GTF3C5: variants seen among roughly 807,000 people sequenced by gnomAD.
GTF3C5 encodes the protein general transcription factor 3C polypeptide 5.
GTF3C5 carries 47 observed loss-of-function variants against 61.0 expected under a neutral mutation model. That is an observed-to-expected ratio of 0.77 (90% CI 0.61 to 0.98). GTF3C5 has a LOEUF of 0.98. Ranked by LOEUF, GTF3C5 falls within the 50% of genes least tolerant of loss-of-function variation. The pLI, the probability that GTF3C5 is intolerant of heterozygous loss-of-function variation, is 0.00. For synonymous variants in GTF3C5, 295 were observed against 275.4 expected (o/e 1.07, Z -0.71); for missense variants, 659 against 703.3 (o/e 0.94, Z 0.71).
At position 133,050,657 on chromosome 9, in the gene GTF3C5, T is replaced by C. The variant is rs540028366; in HGVS notation, c.573-126T>C. 314 of 664,246 alleles carry C rather than the reference T, an allele frequency of 4.7e-4. 3 individuals are homozygous for C. Among genetic ancestry groups the C allele is most frequent in the South Asian group, 2.7e-3 (140 of 52,114 alleles). 41.1% of individuals were successfully genotyped at this position (664,246 alleles called of 1,614,324 possible). A position where few individuals can be genotyped will look rare whatever the true frequency, so the allele number is the denominator to read the frequency against. ...CTCTGGGGTCCTTTCCCAGCACAGA[T>C]GTCCAGAGAGAGGCACACGGTGGCT... On this transcript the variant is annotated intron_variant, in intron 3 of 10. Transcript: ENST00000372097.
intron 3 of GTF3C5, among the ~76,000 whole-genome samples, chr9:133,048,153 T>A (rs951961025): frequency 6.6e-6 from 1 of 151,332 alleles, no homozygotes; most frequent in Non-Finnish European, 1.5e-5. Flanking sequence ...GTTTTTTGGT[T>A]TGTTTTTTCT....
At position 133,051,456 on chromosome 9, in the gene GTF3C5, G is replaced by A. The variant is rs930714156; in HGVS notation, c.768+478G>A. On this transcript the variant is annotated intron_variant, in intron 4 of 10. Coordinates refer to ENST00000372097, the MANE Select transcript of GTF3C5 (RefSeq NM_012087.4). ...AGGCCACTGCCACCTGGAGCCCGGC[G>A]CTTCCCTTACGCAGTGTGCCTGTGG... Among the ~76,000 whole-genome samples the A allele has an allele frequency of 5.0e-4, 76 of 152,374 alleles. 1 individual carries two copies. In the Middle Eastern group the frequency reaches 0.01, roughly 20 times the overall value.
In GTF3C5 at chr9:133,058,263, A is replaced by C; in HGVS notation, c.*283A>C. On this transcript the variant is annotated 3_prime_UTR_variant, in exon 11 of 11. Transcript: ENST00000372097. ...CATCCAGCCAGTGAGTGGGCACCCA[A>C]TGCCTCTCAGGATGAGACCAGTAAA... 6 of 758,340 alleles carry C rather than the reference A, an allele frequency of 7.9e-6. No individual in the cohort carries two copies. Among genetic ancestry groups the C allele is most frequent in the East Asian group, 6.0e-5 (1 of 16,644 alleles). The allele number at this position is 758,340 out of a possible 1,614,324, so 47.0% of individuals were successfully genotyped here.
intron 1 of GTF3C5, among the ~76,000 whole-genome samples, chr9:133,040,928 T>G (rs1008888349): frequency 6.6e-6 from 1 of 152,224 alleles, no homozygotes; most frequent in Non-Finnish European, 1.5e-5. Context: ...TTTGTAGGAA[T>G]TACTCTTTAT....
intron 1 of GTF3C5, among the ~76,000 whole-genome samples, chr9:133,038,097 G>A (rs1410705975): frequency 1.3e-5 from 2 of 152,090 alleles, no homozygotes; most frequent in East Asian, 1.9e-4. Context: ...GAATAGTTTC[G>A]GCGGGAAGGG....
intron 5 of GTF3C5, among the ~76,000 whole-genome samples, chr9:133,052,489 G>A (rs957145657): frequency 9.2e-5 from 14 of 151,452 alleles, no homozygotes; most frequent in Admixed American, 6.6e-4. Context: ...AGTCCAGGGC[G>A]CCCTCCACAG....
At chr9:133,052,020 T>C (rs1850395647) in intron 4 of GTF3C5, 40 bp from the exon 5 acceptor site, 1 of 1,094,188 alleles carries the variant, frequency 9.1e-7, no homozygotes, top group African/African-American at 1.6e-5. Flanking sequence ...GGGTGGAAGC[T>C]GCTGGTGCTC....
At chr9:133,040,363 CGTT>C (rs1564196455) in intron 1 of GTF3C5, among the ~76,000 whole-genome samples, 1 of 152,218 alleles carries the variant, frequency 6.6e-6, no homozygotes, top group Non-Finnish European at 1.5e-5. Flanking sequence ...TCCCAGTTCA[CGTT>C]GTTGGTGCTT....
rs1019266485 is a variant in GTF3C5 at position 133,055,869 on chromosome 9, C to CTG, written c.1168-142_1168-141insGT. On this transcript the variant is annotated intron_variant, in intron 8 of 10. Coordinates refer to ENST00000372097, the MANE Select transcript of GTF3C5 (RefSeq NM_012087.4). The stretch of plus-strand genomic sequence containing the variant: ...GTTTTTTCCCCAACTCCTCCGTGGC[C>CTG]TTCCAGCCTGTCTGCCCAACCTGCT... 5 of 1,451,998 alleles carry CTG rather than the reference C, an allele frequency of 3.4e-6. No homozygotes were observed. The African/African-American group carries it at 7.1e-5, about 21-fold the overall frequency. 89.9% of individuals were successfully genotyped at this position (1,451,998 alleles called of 1,614,324 possible).
Position 133,043,862 on chromosome 9 carries a change from C to G in GTF3C5, c.508C>G (p.Pro170Ala). The G allele has an allele frequency of 6.2e-7, 1 of 1,614,140 alleles. No homozygotes were observed. The highest frequency in any genetic ancestry group is 2.2e-5 in the East Asian group (1 of 44,884). Reference protein sequence around the residue: ...FHQELPLYIPPPIFSRLDAPV... With the variant: ...FHQELPLYIPAPIFSRLDAPV... ...CCAGGAGCTGCCGCTCTACATCCCCCCACCCATCTTCTCCCGGCTGGACGC... is the reference window on the plus strand; with the variant it reads ...CCAGGAGCTGCCGCTCTACATCCCCGCACCCATCTTCTCCCGGCTGGACGC... Residue 170 changes from proline (P) to alanine (A), a missense_variant, in exon 3 of 11, where the codon CCA becomes GCA. Transcript: ENST00000372097.
At position 133,058,152 on chromosome 9, in the gene GTF3C5, G is replaced by A; in HGVS notation, c.*172G>A. The A allele has an allele frequency of 7.0e-7, 1 of 1,437,794 alleles. No homozygotes were observed. Among genetic ancestry groups the A allele is most frequent in the Non-Finnish European group, 9.1e-7 (1 of 1,095,316 alleles). The allele number at this position is 1,437,794 out of a possible 1,614,324, so 89.1% of individuals were successfully genotyped here. Reference sequence around the variant, plus strand: ...CTGACCCTAGCACTGGCTGTGACATGCTGCTTGGTGCTGCCTCTGGTCCTG... The same window carrying A: ...CTGACCCTAGCACTGGCTGTGACATACTGCTTGGTGCTGCCTCTGGTCCTG... On this transcript the variant is annotated 3_prime_UTR_variant, in exon 11 of 11. Transcript: ENST00000372097.
chr9:133,030,778 C>T (rs1849701898), upstream of GTF3C5: 1 of 631,142 alleles, frequency 1.6e-6, no homozygotes, highest in Admixed American at 2.7e-5. Flanking sequence ...GGTGGACTAA[C>T]TCGCTTAATT....
At position 133,050,960 on chromosome 9, in the gene GTF3C5, G is replaced by A. The variant is rs767655091; in HGVS notation, c.750G>A (p.Val250=). 1.9e-6 allele frequency: 3 copies of A among 1,609,628 alleles called. No individual in the cohort carries two copies. In the South Asian group the frequency reaches 3.3e-5, roughly 18 times the overall value. ...GCACTAACCCCGTGGACCGGAAGGTGGAGGAGGAGCTGAGGAAGGCAAGTC... is the reference window on the plus strand; with the variant it reads ...GCACTAACCCCGTGGACCGGAAGGTAGAGGAGGAGCTGAGGAAGGCAAGTC... The part of the protein sequence containing the change: ...RVCTNPVDRK[V]EEELRKLFDI... Residue 250 remains valine (V), a synonymous_variant, in exon 4 of 11, where the codon GTG becomes GTA. Coordinates refer to ENST00000372097, the MANE Select transcript of GTF3C5 (RefSeq NM_012087.4).
rs1564197347 is a variant in GTF3C5, at chr9:133,042,199, GGAA to G, written c.269_271del (p.Lys90del). On this transcript the variant is annotated inframe_deletion, in exon 2 of 11. Transcript: ENST00000372097. ...ACCAGCAGCCTGCTGCTCCGCATCA[GGAA>G]GAGAACGAGGCGGCAGAAAGGGGTG... The G allele has an allele frequency of 6.2e-7, 1 of 1,614,002 alleles. No individual in the cohort carries two copies. The highest frequency in any genetic ancestry group is 2.2e-5 in the East Asian group (1 of 44,880).
At position 133,054,476 on chromosome 9, in the gene GTF3C5, G is replaced by A. The variant is rs1183963215; in HGVS notation, c.1057G>A (p.Val353Ile). Residue 353 changes from valine (V) to isoleucine (I), a missense_variant, in exon 7 of 11, where the codon GTC becomes ATC. Val to Ile is a conservative substitution (Grantham distance 29). Transcript: ENST00000372097. ...CTACAACTACAGCCTCCCCATCACC[G>A]TCAAGAAGACATGTAAGCGTGCCAG... ...STYNYSLPITVKKTSSQLVTM... is the reference protein window; with the variant it reads ...STYNYSLPITIKKTSSQLVTM... 5.0e-6 allele frequency: 8 copies of A among 1,614,038 alleles called. No homozygotes were observed. The highest frequency in any genetic ancestry group is 4.5e-5 in the East Asian group (2 of 44,884).
At chr9:133,040,271 G>A (rs963699045) in intron 1 of GTF3C5, among the ~76,000 whole-genome samples, 3 of 152,148 alleles carry the variant, frequency 2.0e-5, no homozygotes, top group African/African-American at 4.8e-5. Context: ...ATTCTCTCCC[G>A]AGATAGTTCC....
chr9:133,039,628 C>T (rs757863759), intron 1 of GTF3C5, among the ~76,000 whole-genome samples: 1 of 152,134 alleles, frequency 6.6e-6, no homozygotes, highest in Admixed American at 6.5e-5. Flanking sequence ...TGGTCTCGAA[C>T]TCCTGGGCTC....
intron 8 of GTF3C5, 34 bp from the exon 9 acceptor site, chr9:133,055,978 C>T (rs1402218878): frequency 1.9e-6 from 3 of 1,613,738 alleles, no homozygotes; most frequent in Non-Finnish European, 2.5e-6. Flanking sequence ...GGCTCTGGCT[C>T]ACCTTCCCTG....
chr9:133,041,183 C>T (rs996059761), intron 1 of GTF3C5, among the ~76,000 whole-genome samples: 1 of 152,192 alleles, frequency 6.6e-6, no homozygotes, highest in Non-Finnish European at 1.5e-5. Flanking sequence ...AAAACACCCG[C>T]TACTTAGCAG....
Sources: allele counts gnomAD v4.1 joint callset (sites outside exome capture counted in the v4.1 genomes callset), GRCh38; gene constraint gnomAD v4.1.1; transcripts MANE v1.5; gene names NCBI Gene and HGNC (gene_info 2026-07-23, HGNC 2026-07-21).